The following TBL3 variants were observed in gnomAD, a reference collection of about 807,000 sequenced individuals.
TBL3 encodes the protein transducin beta like 3.
Under a neutral mutation model 102.7 loss-of-function variants are expected in TBL3, and 71 were observed. That is an observed-to-expected ratio of 0.69 (90% CI 0.57 to 0.84). TBL3 has a LOEUF of 0.84. Ranked by LOEUF, TBL3 falls within the 40% of genes least tolerant of loss-of-function variation. The pLI is 0.00. For missense variants in TBL3, 1,188 were observed against 1,098.5 expected, an observed-to-expected ratio of 1.08 and a Z score of -1.15; for synonymous variants, 578 against 477.7, an observed-to-expected ratio of 1.21 and a Z score of -2.74.
chr16:1,972,147 A>AGCG lies in TBL3; in HGVS notation c.-6_-4dup, dbSNP rs747707126. 21 of 1,468,816 alleles carry AGCG rather than the reference A, an allele frequency of 1.4e-5. No individual in the cohort carries two copies. The South Asian group carries it at 1.9e-4, about 13-fold the overall frequency. The allele number at this position is 1,468,816 out of a possible 1,614,324, so 91.0% of individuals were successfully genotyped here. A position where few individuals can be genotyped will look rare whatever the true frequency, so the allele number is the denominator to read the frequency against. On this transcript the variant is annotated 5_prime_UTR_variant, in exon 1 of 22. Coordinates refer to ENST00000568546, the MANE Select transcript of TBL3 (RefSeq NM_006453.3). ...CGGGACCCTAGCAGGTTTCAGCTGGAGCGGCGGCGGCGGCAACATGGCAGA... is the reference window on the plus strand; with the variant it reads ...CGGGACCCTAGCAGGTTTCAGCTGGAGCGGCGGCGGCGGCGGCAACATGGCAGA...
chr16:1,974,348 G>A (rs760740982), intron 3 of TBL3, 28 bp from the exon 4 acceptor site: 70 of 1,600,056 alleles, frequency 4.4e-5, no homozygotes, highest in South Asian at 1.1e-4. Context: ...CACTCACACC[G>A]TGCTCGGCAC....
rs2083430388 is a variant in TBL3 at position 1,978,804 on chromosome 16, C to T, written c.*119C>T. 7.4e-7 allele frequency: 1 copy of T among 1,352,644 alleles called. No homozygotes were observed. The highest frequency in any genetic ancestry group is 1.0e-6 in the Non-Finnish European group (1 of 992,206). 83.8% of individuals were successfully genotyped at this position (1,352,644 alleles called of 1,614,324 possible). ...GCCCCCCACCCTGGCCAACACCCTA[C>T]CTAGCCAGCCAGAAGGGCACTGGAG... On this transcript the variant is annotated 3_prime_UTR_variant, in exon 22 of 22. Coordinates refer to ENST00000568546, the MANE Select transcript of TBL3 (RefSeq NM_006453.3).
rs777739060 is a variant in TBL3 at position 1,981,112 on chromosome 16, AC to A, written c.*2428del. On this transcript the variant is annotated 3_prime_UTR_variant, in exon 22 of 22. Coordinates refer to ENST00000568546, the MANE Select transcript of TBL3 (RefSeq NM_006453.3). ...GCCACTAAGGACCCAGCCAGGTCTT[AC>A]TTGGAGCCTCTTGATCTGCACCAGG... 6 of 1,613,182 alleles carry A rather than the reference AC, an allele frequency of 3.7e-6. No individual in the cohort carries two copies. The highest frequency in any genetic ancestry group is 1.6e-4 in the Middle Eastern group (1 of 6,082).
chr16:1,974,260 G>T lies in TBL3; in HGVS notation c.157G>T (p.Ala53Ser). Reference protein sequence around the residue: ...CGTRVNILEVASGAVLRSLEQ... With the variant: ...CGTRVNILEVSSGAVLRSLEQ... ...CACCAGAGTCAACATTCTGGAAGTG[G>T]CCTCGGGGGCCGTGCTGCGGAGTCT... Residue 53 changes from alanine to serine, a missense_variant, in exon 3 of 22, where the codon GCC (alanine) becomes TCC (serine). Ala to Ser is a moderately conservative substitution (Grantham distance 99). Coordinates refer to ENST00000568546, the MANE Select transcript of TBL3 (RefSeq NM_006453.3). 6.2e-7 allele frequency: 1 copy of T among 1,602,152 alleles called. No homozygotes were observed. The highest frequency in any genetic ancestry group is 8.5e-7 in the Non-Finnish European group (1 of 1,173,210).
chr16:1,978,137 C>T lies in TBL3; in HGVS notation c.2063-12C>T, dbSNP rs767079166. The T allele has an allele frequency of 1.9e-6, 3 of 1,612,448 alleles. No individual in the cohort carries two copies. The highest frequency in any genetic ancestry group is 1.3e-5 in the African/African-American group (1 of 75,060). The stretch of plus-strand genomic sequence containing the variant: ...TCTGCTTTCCCCAGCTCAGCCTTCC[C>T]TTCTCCCACAGCCATCCGGAGGGAC... On this transcript the variant is annotated splice_polypyrimidine_tract_variant and intron_variant, in intron 19 of 21. Coordinates refer to ENST00000568546, the MANE Select transcript of TBL3 (RefSeq NM_006453.3).
rs141498833 is a variant in TBL3 at position 1,976,301 on chromosome 16, G to C, written c.1279G>C (p.Val427Leu). The C allele has an allele frequency of 3.1e-6, 5 of 1,613,458 alleles. No homozygotes were observed. The Admixed American group carries it at 6.7e-5, about 22-fold the overall frequency. Residue 427 changes from valine (V) to leucine (L), a missense_variant, in exon 13 of 22, where the codon GTC becomes CTC. Transcript: ENST00000568546. ...CGGTCACACACACAGTGTGGGCACC[G>C]TCTGCTGCTCTAGGTAGTGAGTCGG... The part of the protein sequence containing the change: ...GSGHTHSVGT[V>L]CCSRLKESFL...
At position 1,978,001 on chromosome 16, in the gene TBL3, C is replaced by T. The variant is rs762597435; in HGVS notation, c.2002C>T (p.Arg668Trp). 135 of 1,606,636 alleles carry T rather than the reference C, an allele frequency of 8.4e-5. 1 individual carries two copies. The East Asian group carries it at 2.1e-3, about 24-fold the overall frequency. The change falls in exon 19 of 22, where the codon CGG (arginine) becomes TGG (tryptophan). Residue 668 changes from arginine to tryptophan, a missense_variant. Transcript: ENST00000568546. ...CCTGCTGCATGAGAAGCGGTACCTG[C>T]GGGCGCTGGGCCTGGCCATCTCCCT... ...DNLLHEKRYLRALGLAISLDR... is the reference protein window; with the variant it reads ...DNLLHEKRYLWALGLAISLDR...
Position 1,979,957 on chromosome 16 carries a change from G to C in TBL3, c.*1272G>C, listed in dbSNP as rs1205072686. ...AATCTCGAGGCTCCCTCGGGTCCAG[G>C]AGCAGAGGAGCAAATCCCTGGGTTC... On this transcript the variant is annotated 3_prime_UTR_variant, in exon 22 of 22. Transcript: ENST00000568546. The C allele has an allele frequency of 6.3e-6, 10 of 1,583,124 alleles. No homozygotes were observed. Among genetic ancestry groups the C allele is most frequent in the Non-Finnish European group, 8.6e-6 (10 of 1,165,084 alleles).
Position 1,978,372 on chromosome 16 carries a change from C to T in TBL3, c.2194C>T (p.Gln732Ter), listed in dbSNP as rs780984167. 6.2e-7 allele frequency: 1 copy of T among 1,611,326 alleles called. No homozygotes were observed. ...NTNSRHCHEA[Q>*]AVLGVLLRRE... ...CAACTCGCGGCACTGCCACGAGGCC[C>T]AGGCCGTGCTGGGTGTGCTCTTGAG... Residue 732 changes from glutamine (Q) to a stop codon, truncating the protein, a stop_gained, in exon 21 of 22, where the codon CAG (glutamine) becomes TAG (stop). Coordinates refer to ENST00000568546, the MANE Select transcript of TBL3 (RefSeq NM_006453.3). LOFTEE classifies it high-confidence loss of function.
rs567796712 is a variant in TBL3, at chr16:1,980,041, G to A, written c.*1356G>A. ...CACGTCCAGGCTCTCCTGGGCCTGC[G>A]CCTGAAAAGGCCTATCCCGCGTGTC... On this transcript the variant is annotated 3_prime_UTR_variant, in exon 22 of 22. Transcript: ENST00000568546. The A allele has an allele frequency of 1.9e-6, 3 of 1,606,452 alleles. No individual in the cohort carries two copies. Among genetic ancestry groups the A allele is most frequent in the African/African-American group, 2.7e-5 (2 of 75,004 alleles).
In TBL3 at chr16:1,979,420, C is replaced by A; in HGVS notation, c.*735C>A. 1 of 1,606,870 alleles carries A rather than the reference C, an allele frequency of 6.2e-7. No individual in the cohort carries two copies. The highest frequency in any genetic ancestry group is 8.5e-7 in the Non-Finnish European group (1 of 1,178,578). ...CCTGCCCTGCCCACGCCCGCTCCCG[C>A]GTACCTGCATAGCCACCAGCCGCGG... On this transcript the variant is annotated 3_prime_UTR_variant, in exon 22 of 22. Coordinates refer to ENST00000568546, the MANE Select transcript of TBL3 (RefSeq NM_006453.3).
Position 1,975,956 on chromosome 16 carries a change from G to T in TBL3, c.1129+7G>T. The T allele has an allele frequency of 6.2e-7, 1 of 1,614,172 alleles. No individual in the cohort carries two copies. The highest frequency in any genetic ancestry group is 8.5e-7 in the Non-Finnish European group (1 of 1,180,012). Reference sequence around the variant, plus strand: ...ATCCTCCACGGCCACACGGGTGAGTGGGGCCAGCCCACCTGACACCCTGGG... The same window carrying T: ...ATCCTCCACGGCCACACGGGTGAGTTGGGCCAGCCCACCTGACACCCTGGG... On this transcript the variant is annotated splice_region_variant and intron_variant, in intron 11 of 21. Coordinates refer to ENST00000568546, the MANE Select transcript of TBL3 (RefSeq NM_006453.3).
chr16:1,977,019 G>A (rs987603061), intron 14 of TBL3, 35 bp from the exon 15 acceptor site: 4 of 1,612,376 alleles, frequency 2.5e-6, no homozygotes, highest in Non-Finnish European at 2.5e-6. Context: ...GGGAAGATGG[G>A]GGATTGCTGA....
Position 1,980,076 on chromosome 16 carries a change from G to C in TBL3, c.*1391G>C. 1 of 1,608,030 alleles carries C rather than the reference G, an allele frequency of 6.2e-7. No homozygotes were observed. Among genetic ancestry groups the C allele is most frequent in the Non-Finnish European group, 8.5e-7 (1 of 1,178,662 alleles). ...GCCTATCCCGCGTGTCCTGGGTACA[G>C]AAGGGCTGCAGGCAGCGCAGGCTCT... On this transcript the variant is annotated 3_prime_UTR_variant, in exon 22 of 22. Coordinates refer to ENST00000568546, the MANE Select transcript of TBL3 (RefSeq NM_006453.3).
At position 1,974,403 on chromosome 16, in the gene TBL3, G is replaced by T. The variant is rs998785403; in HGVS notation, c.217G>T (p.Asp73Tyr). Residue 73 changes from aspartate to tyrosine, a missense_variant, in exon 4 of 22, where the codon GAC (aspartate) becomes TAC (tyrosine). Asp to Tyr is a radical substitution (Grantham distance 160, BLOSUM62 -3). Coordinates refer to ENST00000568546, the MANE Select transcript of TBL3 (RefSeq NM_006453.3). ...GGACCAGGAGGACATCACTGCCTTT[G>T]ACCTCAGCCCTGACAACGAGGTATG... The part of the protein sequence containing the change: ...QEDQEDITAF[D>Y]LSPDNEVLVT... 1.9e-6 allele frequency: 3 copies of T among 1,610,942 alleles called. No individual in the cohort carries two copies. The highest frequency in any genetic ancestry group is 2.5e-6 in the Non-Finnish European group (3 of 1,178,388).
chr16:1,981,070 C>T lies in TBL3; in HGVS notation c.*2385C>T. On this transcript the variant is annotated 3_prime_UTR_variant, in exon 22 of 22. Transcript: ENST00000568546. ...CGTGGAGGTGCTGGTCCAGGCACCC[C>T]CTTCCTATCCCTTGGGGCCACTAAG... 1 of 1,611,108 alleles carries T rather than the reference C, an allele frequency of 6.2e-7. No individual in the cohort carries two copies. The highest frequency in any genetic ancestry group is 8.5e-7 in the Non-Finnish European group (1 of 1,177,926).
In TBL3 at chr16:1,979,056, T is replaced by C; in HGVS notation, c.*371T>C. ...CCCTCATCGGGATCCTCGCGCTCAC[T>C]GCTCCGTCGTGGGGTGCGGCACAGA... On this transcript the variant is annotated 3_prime_UTR_variant, in exon 22 of 22. Coordinates refer to ENST00000568546, the MANE Select transcript of TBL3 (RefSeq NM_006453.3). 1 of 1,544,822 alleles carries C rather than the reference T, an allele frequency of 6.5e-7. No individual in the cohort carries two copies. Among genetic ancestry groups the C allele is most frequent in the South Asian group, 1.2e-5 (1 of 84,530 alleles).
At position 1,978,828 on chromosome 16, in the gene TBL3, A is replaced by G; in HGVS notation, c.*143A>G. 8.0e-7 allele frequency: 1 copy of G among 1,247,356 alleles called. No individual in the cohort carries two copies. Among genetic ancestry groups the G allele is most frequent in the Non-Finnish European group, 1.1e-6 (1 of 901,778 alleles). 77.3% of individuals were successfully genotyped at this position (1,247,356 alleles called of 1,614,324 possible). ...ACCTAGCCAGCCAGAAGGGCACTGGAGCTGATGGTCTCGGCCCTGCCACGC... is the reference window on the plus strand; with the variant it reads ...ACCTAGCCAGCCAGAAGGGCACTGGGGCTGATGGTCTCGGCCCTGCCACGC... On this transcript the variant is annotated 3_prime_UTR_variant, in exon 22 of 22. Transcript: ENST00000568546.
chr16:1,980,371 C>G lies in TBL3; in HGVS notation c.*1686C>G. ...AGTTTGGGGCGAGTCAGGCACCTGC[C>G]GGGTGGCAGCGCGGGCTCCAGGTCC... On this transcript the variant is annotated 3_prime_UTR_variant, in exon 22 of 22. Transcript: ENST00000568546. The G allele has an allele frequency of 5.0e-6, 8 of 1,600,186 alleles. No individual in the cohort carries two copies. Among genetic ancestry groups the G allele is most frequent in the Non-Finnish European group, 5.9e-6 (7 of 1,178,730 alleles).
Sources: allele counts gnomAD v4.1 joint callset, GRCh38; gene constraint gnomAD v4.1.1; transcripts MANE v1.5; gene names NCBI Gene and HGNC (gene_info 2026-07-23, HGNC 2026-07-21).